PDE4D: variants seen among roughly 807,000 people sequenced by gnomAD.
PDE4D encodes phosphodiesterase 4D.
Under a neutral mutation model 87.4 loss-of-function variants are expected in PDE4D, and 24 were observed. The ratio of observed to expected loss-of-function variants is 0.27; its 90% CI spans 0.20 to 0.39. The LOEUF is 0.39. Among genes scored for constraint, PDE4D ranks in the 10% least tolerant of loss-of-function variants. PDE4D has a pLI of 1.00. For synonymous variants in PDE4D, 384 were observed against 383.2 expected, an observed-to-expected ratio of 1.00 and a Z score of -0.02; for missense variants, 714 against 1,041.0, an observed-to-expected ratio of 0.69 and a Z score of 4.32.
chr5:59,457,372 G>A (rs1430027513), intron 1 of PDE4D, among the ~76,000 whole-genome samples: 11 of 152,158 alleles, frequency 7.2e-5, no homozygotes, highest in South Asian at 2.1e-4. Flanking sequence ...AGGTATGCAC[G>A]TTGTCTTCTA....
chr5:59,258,579 T>C (rs10038599), intron 1 of PDE4D, among the ~76,000 whole-genome samples: 12,373 of 150,924 alleles, frequency 0.082, 654 homozygotes, highest in Non-Finnish European at 0.12. Context: ...TATCTTCTTG[T>C]ATCATCTTTG....
intron 1 of PDE4D, among the ~76,000 whole-genome samples, chr5:60,426,993 A>G (rs1743778630): frequency 6.6e-6 from 1 of 152,224 alleles, no homozygotes; most frequent in Non-Finnish European, 1.5e-5. Flanking sequence ...ACAGATCAGT[A>G]GAAATTATTT....
Position 60,323,359 on chromosome 5 carries a change from C to T in PDE4D, c.-89-137672G>A, listed in dbSNP as rs74881878. On this transcript the variant is annotated intron_variant, in intron 1 of 16. Transcript: ENST00000502484. ...AATGTCCCTATCCCAGTAAATGGTA[C>T]CACCAACTGTCAGATAAACTTAGTA... 0.012 allele frequency among the ~76,000 whole-genome samples: 1,834 copies of T among 152,266 alleles called. 60 individuals are homozygous for T. In the East Asian group the frequency reaches 0.13, roughly 11 times the overall value.
At chr5:59,435,539 T>C (rs1796685266) in intron 1 of PDE4D, among the ~76,000 whole-genome samples, 2 of 152,144 alleles carry the variant, frequency 1.3e-5, no homozygotes, top group Non-Finnish European at 2.9e-5. Context: ...CATTCTTCAT[T>C]CCTCAGTTTT....
At chr5:59,186,943 A>G (rs767618348) in intron 3 of PDE4D, among the ~76,000 whole-genome samples, 1 of 152,230 alleles carries the variant, frequency 6.6e-6, no homozygotes, top group Admixed American at 6.5e-5. Context: ...TAAATCATGC[A>G]GGCTTAATTT....
chr5:60,457,424 C>A (rs1272055964), intron 1 of PDE4D, among the ~76,000 whole-genome samples: 1 of 152,162 alleles, frequency 6.6e-6, no homozygotes, highest in Non-Finnish European at 1.5e-5. Flanking sequence ...TCCTTCTCTG[C>A]TTCCTCATGT....
intron 1 of PDE4D, among the ~76,000 whole-genome samples, chr5:59,881,582 G>A (rs1350238782): frequency 4.6e-5 from 7 of 152,132 alleles, no homozygotes; most frequent in Non-Finnish European, 4.4e-5. Flanking sequence ...TGAATTTGGA[G>A]TTGTTTTCTA....
intron 1 of PDE4D, among the ~76,000 whole-genome samples, chr5:60,362,192 C>T (rs552988170): frequency 8.5e-5 from 13 of 152,180 alleles, no homozygotes; most frequent in African/African-American, 2.6e-4. Flanking sequence ...GTGAAATAAA[C>T]CAAAAAGTGT....
chr5:59,156,005 A>G (rs115178944), intron 5 of PDE4D, among the ~76,000 whole-genome samples: 3,188 of 152,216 alleles, frequency 0.021, 114 homozygotes, highest in African/African-American at 0.073. Context: ...ATTAGCATGA[A>G]GAGGACTGAG....
At chr5:59,211,781 GT>G (rs973475287) in intron 2 of PDE4D, among the ~76,000 whole-genome samples, 3 of 151,902 alleles carry the variant, frequency 2.0e-5, no homozygotes, top group Admixed American at 6.6e-5. Flanking sequence ...ATCTTTATCT[GT>G]TTTGTTCTTC....
chr5:59,797,954 C>CT (rs1766679584), intron 1 of PDE4D, among the ~76,000 whole-genome samples: 1 of 151,948 alleles, frequency 6.6e-6, no homozygotes, highest in Admixed American at 6.6e-5. Flanking sequence ...GAGCAGAAGG[C>CT]TGGGGGTATG....
At chr5:59,222,094 A>G (rs1006532807) in intron 1 of PDE4D, among the ~76,000 whole-genome samples, 1 of 152,162 alleles carries the variant, frequency 6.6e-6, no homozygotes, top group Non-Finnish European at 1.5e-5. Context: ...AGCCCCCTAC[A>G]AGAAACAAAG....
At chr5:59,629,366 G>A (rs1252346913) in intron 1 of PDE4D, among the ~76,000 whole-genome samples, 1 of 152,092 alleles carries the variant, frequency 6.6e-6, no homozygotes, top group Non-Finnish European at 1.5e-5. Context: ...CTACTTCAAT[G>A]TGACTGGTGT....
chr5:59,211,585 C>A (rs1750091354), intron 2 of PDE4D, among the ~76,000 whole-genome samples: 1 of 152,040 alleles, frequency 6.6e-6, no homozygotes, highest in Admixed American at 6.6e-5. Context: ...TAGAAATAAT[C>A]AAAATGCTTG....
At chr5:59,449,385 G>A (rs1798809850) in intron 1 of PDE4D, among the ~76,000 whole-genome samples, 1 of 152,184 alleles carries the variant, frequency 6.6e-6, no homozygotes, top group South Asian at 2.1e-4. Flanking sequence ...ACATTAAGCA[G>A]ATATAGTTTT....
chr5:60,033,257 T>C (rs1381848975), intron 2 of PDE4D, among the ~76,000 whole-genome samples: 2 of 152,164 alleles, frequency 1.3e-5, no homozygotes, highest in Non-Finnish European at 2.9e-5. Context: ...GGTTGTATAC[T>C]GAGAACCAGA....
chr5:59,781,081 G>A (rs929159427), intron 1 of PDE4D, among the ~76,000 whole-genome samples: 6 of 148,914 alleles, frequency 4.0e-5, no homozygotes, highest in African/African-American at 9.9e-5. Flanking sequence ...CAGGAGAATC[G>A]CTTGAACCTG....
chr5:60,392,701 C>CT (rs1762630417), intron 1 of PDE4D, among the ~76,000 whole-genome samples: 1 of 152,094 alleles, frequency 6.6e-6, no homozygotes, highest in South Asian at 2.1e-4. Flanking sequence ...ATTTTCTAGC[C>CT]TTTTGTTAAT....
chr5:59,801,081 A>G (rs1441801167), intron 1 of PDE4D, among the ~76,000 whole-genome samples: 2 of 152,326 alleles, frequency 1.3e-5, no homozygotes, highest in Admixed American at 1.3e-4. Flanking sequence ...TCTCAAGTTT[A>G]TCCTGCCCCT....
Sources: allele counts gnomAD v4.1 joint callset (sites outside exome capture counted in the v4.1 genomes callset), GRCh38; gene constraint gnomAD v4.1.1; transcripts MANE v1.5; gene names NCBI Gene and HGNC (gene_info 2026-07-23, HGNC 2026-07-21).